The following AKT3 variants were observed in gnomAD, a reference collection of about 807,000 sequenced individuals.
AKT3 encodes the protein AKT serine/threonine kinase 3.
A neutral mutation model predicts 65.3 loss-of-function variants in AKT3; 15 were observed. The ratio of observed to expected loss-of-function variants is 0.23; its 90% CI spans 0.15 to 0.35. The LOEUF is 0.35. AKT3 is among the 10% of genes least tolerant of loss of function. The pLI, the probability that AKT3 is intolerant of heterozygous loss-of-function variation, is 1.00. For synonymous variants in AKT3, 206 were observed against 183.8 expected (o/e 1.12, Z -0.98); for missense variants, 243 against 576.5 (o/e 0.42, Z 5.92).
intron 6 of AKT3, among the ~76,000 whole-genome samples, chr1:243,616,692 T>G (rs760397021): frequency 2.6e-5 from 4 of 152,212 alleles, no homozygotes; most frequent in Non-Finnish European, 5.9e-5. Context: ...CACTGCATTA[T>G]ATTTGTTATC....
chr1:243,767,952 C>T (rs1689934779), intron 2 of AKT3, among the ~76,000 whole-genome samples: 3 of 151,634 alleles, frequency 2.0e-5, no homozygotes, highest in Admixed American at 2.0e-4. Context: ...GTAAAATTTC[C>T]ATAGGATCAA....
chr1:243,814,350 C>T (rs923789482), intron 2 of AKT3: 3 of 151,884 alleles, frequency 2.0e-5, no homozygotes, highest in South Asian at 4.1e-4. Flanking sequence ...AATACTTTTA[C>T]AATATAAATA....
intron 2 of AKT3, among the ~76,000 whole-genome samples, chr1:243,783,432 T>C (rs1691037241): frequency 6.6e-6 from 1 of 152,200 alleles, no homozygotes; most frequent in Non-Finnish European, 1.5e-5. Context: ...GACAGAAGCT[T>C]CTGTGCTCAG....
chr1:243,495,498 C>T (rs762914748), downstream of AKT3, among the ~76,000 whole-genome samples: 2 of 152,208 alleles, frequency 1.3e-5, no homozygotes, highest in South Asian at 2.1e-4. Flanking sequence ...GAAGAATGGC[C>T]GCTGCCCTGC....
chr1:243,620,444 T>A lies in AKT3; in HGVS notation c.562-5283A>T, dbSNP rs1471368567. On this transcript the variant is annotated intron_variant, in intron 6 of 13. Coordinates refer to ENST00000673466, the MANE Select transcript of AKT3 (RefSeq NM_005465.7). ...TGATGAGTAGTGATATGACACACTT[T>A]TACAAATTAAACAATGATTACCAGT... Among the ~76,000 whole-genome samples the A allele has an allele frequency of 1.9e-3, 284 of 151,222 alleles. 112 individuals are homozygous for A. Among genetic ancestry groups the A allele is most frequent in the Non-Finnish European group, 2.8e-3 (186 of 67,568 alleles).
intron 6 of AKT3, among the ~76,000 whole-genome samples, chr1:243,636,140 T>C (rs1679953483): frequency 6.6e-6 from 1 of 152,066 alleles, no homozygotes; most frequent in Non-Finnish European, 1.5e-5. Context: ...ATGGAATAGA[T>C]ATTTACTGAT....
chr1:243,627,723 A>G (rs899967659), intron 6 of AKT3, among the ~76,000 whole-genome samples: 22 of 152,246 alleles, frequency 1.4e-4, no homozygotes, highest in African/African-American at 4.8e-4. Flanking sequence ...GGAACCACCC[A>G]TAACATTCTA....
At chr1:243,614,988 G>T in intron 7 of AKT3, 108 bp downstream of exon 7, 1 of 833,596 alleles carries the variant, frequency 1.2e-6, no homozygotes, top group Non-Finnish European at 1.9e-6. Context: ...TTTCCACAAA[G>T]AAAATGAGAT....
At chr1:243,606,309 G>T (rs755958209) in intron 8 of AKT3, among the ~76,000 whole-genome samples, 2 of 152,232 alleles carry the variant, frequency 1.3e-5, no homozygotes, top group Non-Finnish European at 2.9e-5. Context: ...AGAAAGTTTG[G>T]AACTTCCTAG....
intron 2 of AKT3, among the ~76,000 whole-genome samples, chr1:243,762,497 C>A (rs143569368): frequency 6.6e-6 from 1 of 152,006 alleles, no homozygotes; most frequent in Non-Finnish European, 1.5e-5. Context: ...TGTGACAGAG[C>A]GCATCATGCT....
In AKT3 at chr1:243,803,645, T is replaced by TACAC. The variant is rs72379577; in HGVS notation, c.46+39476_46+39479dup. 2.2e-3 allele frequency among the ~76,000 whole-genome samples: 303 copies of TACAC among 136,714 alleles called. 2 individuals are homozygous for TACAC. The highest frequency in any genetic ancestry group is 6.3e-3 in the African/African-American group (230 of 36,784). The allele number at this position is 136,714 out of a possible 152,430, so 89.7% of individuals were successfully genotyped here. On this transcript the variant is annotated intron_variant, in intron 2 of 13. Coordinates refer to ENST00000673466, the MANE Select transcript of AKT3 (RefSeq NM_005465.7). Reference sequence around the variant, plus strand: ...TTGTTACAGAACAAAGACGTACATGTACACACACACACACACACACACACA... The same window carrying TACAC: ...TTGTTACAGAACAAAGACGTACATGTACACACACACACACACACACACACACACA...
intron 2 of AKT3, among the ~76,000 whole-genome samples, chr1:243,824,358 T>C (rs1027108017): frequency 2.6e-5 from 4 of 152,186 alleles, no homozygotes; most frequent in Non-Finnish European, 4.4e-5. Flanking sequence ...GGGCAAACTT[T>C]TCATGATGAA....
chr1:243,642,553 C>A (rs562847394), intron 5 of AKT3, among the ~76,000 whole-genome samples: 179 of 152,316 alleles, frequency 1.2e-3, no homozygotes, highest in African/African-American at 4.0e-3. Flanking sequence ...TTGTGATCCG[C>A]CCACCTTGGC....
chr1:243,498,452 G>C (rs551046348), downstream of AKT3, among the ~76,000 whole-genome samples: 2 of 152,120 alleles, frequency 1.3e-5, no homozygotes, highest in African/African-American at 4.8e-5. Context: ...GCAGGTTTAC[G>C]AGGAGGAGTG....
At chr1:243,584,487 G>C (rs2148534400) in intron 8 of AKT3, among the ~76,000 whole-genome samples, 1 of 152,108 alleles carries the variant, frequency 6.6e-6, no homozygotes, top group African/African-American at 2.4e-5. Flanking sequence ...ACACAATGAA[G>C]AAAGAAAATC....
At chr1:243,624,951 TC>T in intron 6 of AKT3, 1 of 284,484 alleles carries the variant, frequency 3.5e-6, no homozygotes, top group South Asian at 4.8e-5. Flanking sequence ...TCTTGGTTTG[TC>T]CACATTTCCC....
chr1:243,738,316 C>CT (rs1490554441), intron 2 of AKT3, among the ~76,000 whole-genome samples: 1 of 152,130 alleles, frequency 6.6e-6, no homozygotes, highest in Non-Finnish European at 1.5e-5. Flanking sequence ...AAGCCAGAGA[C>CT]TAAAAGGTCT....
chr1:243,759,072 G>A (rs12743000), intron 2 of AKT3, among the ~76,000 whole-genome samples: 76,693 of 152,082 alleles, frequency 0.5, 23,423 homozygotes, highest in Non-Finnish European at 0.68. Flanking sequence ...CCAGCACTTT[G>A]GGAGGCCAAG....
intron 2 of AKT3, among the ~76,000 whole-genome samples, chr1:243,765,751 T>C (rs183336646): frequency 4.0e-4 from 61 of 152,264 alleles, no homozygotes; most frequent in Non-Finnish European, 7.5e-4. Flanking sequence ...TAATCTCTAT[T>C]TAGTAAGAAA....
Sources: gnomAD v4.1 joint callset for allele counts (sites outside exome capture counted in the v4.1 genomes callset) on GRCh38, gnomAD v4.1.1 for gene constraint, MANE v1.5 for transcripts, NCBI Gene and HGNC (gene_info 2026-07-23, HGNC 2026-07-21) for gene names.